EXOC3L2: variants seen among roughly 807,000 people sequenced by gnomAD.
The protein encoded by EXOC3L2 is exocyst complex component 3-like protein 2.
EXOC3L2 carries 17 observed loss-of-function variants against 44.4 expected under a neutral mutation model. That is an observed-to-expected ratio of 0.38 (90% CI 0.26 to 0.57). The LOEUF is 0.57. Among genes scored for constraint, EXOC3L2 ranks in the 20% least tolerant of loss-of-function variants. EXOC3L2 has a pLI of 0.65. For synonymous variants in EXOC3L2, 256 were observed against 253.7 expected, an observed-to-expected ratio of 1.01 and a Z score of -0.09; for missense variants, 541 against 588.4, an observed-to-expected ratio of 0.92 and a Z score of 0.83.
intron 11 of EXOC3L2, among the ~76,000 whole-genome samples, chr19:45,214,179 G>A (rs922896007): frequency 1.3e-5 from 2 of 152,134 alleles, no homozygotes; most frequent in Non-Finnish European, 2.9e-5. Flanking sequence ...CCAGGAATAT[G>A]TGCCTTCCCA....
Position 45,238,691 on chromosome 19 carries a change from C to T in EXOC3L2, c.355G>A (p.Glu119Lys), listed in dbSNP as rs1183426774. The change falls in exon 2 of 12, where the codon GAG (glutamate) becomes AAG (lysine). Residue 119 changes from glutamate to lysine, a missense_variant. Coordinates refer to ENST00000413988, the MANE Select transcript of EXOC3L2 (RefSeq NM_001382422.1). This position sits in a 1 kb window ranked among gnomAD's most constrained non-coding sequence, Gnocchi z 5.5. The stretch of plus-strand genomic sequence containing the variant: ...CGGGCGGCCTCCCCCGCTGCCTCCT[C>T]GTCGCCGTGGGCTCGGGTCCCATGC... ...RLHGTRAHGDEEAAGEAARRL... is the reference protein window; with the variant it reads ...RLHGTRAHGDKEAAGEAARRL... 4 of 399,010 alleles carry T rather than the reference C, an allele frequency of 1.0e-5. No homozygotes were observed. Among genetic ancestry groups the T allele is most frequent in the Admixed American group, 4.4e-5 (1 of 22,718 alleles). 24.7% of individuals were successfully genotyped at this position (399,010 alleles called of 1,614,324 possible).
rs1230469601 is a variant in EXOC3L2 at position 45,231,806 on chromosome 19, C to T, written c.1226G>A (p.Gly409Asp). 1 of 1,611,040 alleles carries T rather than the reference C, an allele frequency of 6.2e-7. No homozygotes were observed. Among genetic ancestry groups the T allele is most frequent in the East Asian group, 2.2e-5 (1 of 44,816 alleles). ...TTCATCCTCCAAACCCCGCAGGGTG[C>T]CAGGGGAGAGAAGGGGCCCCAGCTC... The part of the protein sequence containing the change: ...NGELGPLLSP[G>D]TLRGLEDECV... The change falls in exon 4 of 12, where the codon GGC becomes GAC. Residue 409 changes from glycine to aspartate, a missense_variant. Transcript: ENST00000413988.
Position 45,228,240 on chromosome 19 carries a change from A to G in EXOC3L2, c.1296T>C (p.Arg432=), listed in dbSNP as rs1157206686. ...AGTGCTCTTCGTCCTCCTGCAGCAC[A>G]CGGAGAAGGGCAGCCCGGGTCTGAG... ...VKAQTRAALL[R]VLQEDEEHWG... Residue 432 remains arginine, a synonymous_variant, in exon 5 of 12, where the codon CGT becomes CGC. Coordinates refer to ENST00000413988, the MANE Select transcript of EXOC3L2 (RefSeq NM_001382422.1). 8 of 1,613,938 alleles carry G rather than the reference A, an allele frequency of 5.0e-6. No individual in the cohort carries two copies. Among genetic ancestry groups the G allele is most frequent in the Admixed American group, 1.7e-5 (1 of 59,972 alleles).
intron 1 of EXOC3L2, among the ~76,000 whole-genome samples, chr19:45,240,828 C>T (rs1970125530): frequency 1.3e-5 from 2 of 152,050 alleles, no homozygotes; most frequent in South Asian, 4.1e-4. Context: ...TGTTTGAACC[C>T]AGGAGGCAGA....
At chr19:45,225,154 G>A (rs541384343) in intron 7 of EXOC3L2, among the ~76,000 whole-genome samples, 26 of 150,030 alleles carry the variant, frequency 1.7e-4, no homozygotes, top group Middle Eastern at 3.4e-3. Context: ...GGGATGGCTA[G>A]GAGGTCTAGG....
intron 8 of EXOC3L2, among the ~76,000 whole-genome samples, chr19:45,220,294 T>C (rs766343203): frequency 1.3e-5 from 2 of 151,588 alleles, no homozygotes; most frequent in African/African-American, 2.4e-5. Flanking sequence ...TAAGACTCCC[T>C]CTCTATAATT....
chr19:45,230,578 G>T (rs1225512806), intron 4 of EXOC3L2, among the ~76,000 whole-genome samples: 1 of 151,702 alleles, frequency 6.6e-6, no homozygotes, highest in African/African-American at 2.4e-5. Flanking sequence ...TGAACTCCTG[G>T]CCTCAAGAAA....
intron 2 of EXOC3L2, among the ~76,000 whole-genome samples, chr19:45,237,070 G>T (rs959723950): frequency 2.6e-5 from 4 of 151,762 alleles, no homozygotes; most frequent in African/African-American, 9.7e-5. Flanking sequence ...GCTGAGAGGG[G>T]CCTGGGGTTG....
rs1244965758 is a variant in EXOC3L2, at chr19:45,212,985, C to T, written c.*84G>A. On this transcript the variant is annotated 3_prime_UTR_variant, in exon 12 of 12. Coordinates refer to ENST00000413988, the MANE Select transcript of EXOC3L2 (RefSeq NM_001382422.1). The stretch of plus-strand genomic sequence containing the variant: ...TATCCCAGGGGTGTGTGGTCCCAGG[C>T]AGGGAGTCAGGAGGGGCGCCGTACG... 1 of 1,369,092 alleles carries T rather than the reference C, an allele frequency of 7.3e-7. No individual in the cohort carries two copies. The highest frequency in any genetic ancestry group is 1.5e-5 in the African/African-American group (1 of 67,264). 84.8% of individuals were successfully genotyped at this position (1,369,092 alleles called of 1,614,324 possible).
intron 2 of EXOC3L2, among the ~76,000 whole-genome samples, chr19:45,237,744 A>G (rs1456461867): frequency 6.6e-6 from 1 of 152,200 alleles, no homozygotes; most frequent in Non-Finnish European, 1.5e-5. Flanking sequence ...TCACCCCAGT[A>G]CATCAGAATG....
At chr19:45,243,661 G>A (rs1251080467) in intron 1 of EXOC3L2, among the ~76,000 whole-genome samples, 1 of 151,940 alleles carries the variant, frequency 6.6e-6, no homozygotes. Context: ...ATGGAGTCTC[G>A]CTCTGTCACC....
At chr19:45,232,403 G>A (rs968037429) in intron 3 of EXOC3L2, among the ~76,000 whole-genome samples, 10 of 152,220 alleles carry the variant, frequency 6.6e-5, no homozygotes, top group East Asian at 3.9e-4. Flanking sequence ...GAAGCTTTCC[G>A]GACTCCCTAT....
chr19:45,235,550 G>A (rs909819398), intron 2 of EXOC3L2, among the ~76,000 whole-genome samples: 3 of 152,030 alleles, frequency 2.0e-5, no homozygotes, highest in African/African-American at 7.2e-5. Flanking sequence ...GATGGCTGTG[G>A]GCTGATCTGG....
At chr19:45,218,158 T>TGGCCC in intron 9 of EXOC3L2, 39 bp downstream of exon 9, 3 of 1,034,902 alleles carry the variant, frequency 2.9e-6, no homozygotes, top group Non-Finnish European at 4.0e-6. Context: ...TCCCCTCTTT[T>TGGCCC]CCCCCACCCC....
In EXOC3L2 at chr19:45,217,702, A is replaced by G. The variant is rs1349003161; in HGVS notation, c.1843-19T>C. The G allele has an allele frequency of 1.4e-6, 2 of 1,399,164 alleles. No homozygotes were observed. The highest frequency in any genetic ancestry group is 2.9e-5 in the East Asian group (1 of 34,740). The allele number at this position is 1,399,164 out of a possible 1,614,324, so 86.7% of individuals were successfully genotyped here. A position where few individuals can be genotyped will look rare whatever the true frequency, so the allele number is the denominator to read the frequency against. On this transcript the variant is annotated intron_variant, in intron 9 of 11. Transcript: ENST00000413988. ...CCAGCGCCTGGAGGCGGAGGAGGGA[A>G]ACCCGAGGGGTGTGAGCCATGCCCC...
Position 45,213,103 on chromosome 19 carries a change from G to A in EXOC3L2, c.2375C>T (p.Pro792Leu), listed in dbSNP as rs1800437940. The A allele has an allele frequency of 6.5e-7, 1 of 1,535,736 alleles. No homozygotes were observed. The highest frequency in any genetic ancestry group is 8.7e-7 in the Non-Finnish European group (1 of 1,145,856). The change falls in exon 12 of 12, where the codon CCT (proline) becomes CTT (leucine). Residue 792 changes from proline (P) to leucine (L), a missense_variant. Coordinates refer to ENST00000413988, the MANE Select transcript of EXOC3L2 (RefSeq NM_001382422.1). Reference protein sequence around the residue: ...PSLACLPRPRPPSLARPRAQR With the variant: ...PSLACLPRPRLPSLARPRAQR ...GGCCCGAGGTCGCGCTAGAGACGGA[G>A]GCCGGGGCCGAGGCAGACAGGCCAA...
Position 45,217,531 on chromosome 19 carries a change from C to A in EXOC3L2, c.1995G>T (p.Arg665=). 1 of 1,576,980 alleles carries A rather than the reference C, an allele frequency of 6.3e-7. No homozygotes were observed. Residue 665 remains arginine (R), a synonymous_variant, in exon 10 of 12, where the codon CGG becomes CGT. Coordinates refer to ENST00000413988, the MANE Select transcript of EXOC3L2 (RefSeq NM_001382422.1). ...DAAQLQRLFR[R]LESQASWLDA... ...CCAACCGCGTCCCGACACTGACCAG[C>A]CGCCGGAACAGCCTCTGCAGTTGCG...
chr19:45,241,355 G>A (rs1173665646), intron 1 of EXOC3L2, among the ~76,000 whole-genome samples: 1 of 152,036 alleles, frequency 6.6e-6, no homozygotes, highest in Non-Finnish European at 1.5e-5. Flanking sequence ...GCAGGCGCCT[G>A]TAGCCCCAGC....
intron 1 of EXOC3L2, among the ~76,000 whole-genome samples, chr19:45,243,281 G>A (rs779589731): frequency 6.6e-6 from 1 of 152,172 alleles, no homozygotes; most frequent in African/African-American, 2.4e-5. Flanking sequence ...ACCACGACAG[G>A]GTTCTGAGCA....
Sources: allele counts gnomAD v4.1 joint callset (sites outside exome capture counted in the v4.1 genomes callset), GRCh38; gene constraint gnomAD v4.1.1; non-coding constraint Gnocchi (gnomAD v3.1); transcripts MANE v1.5; gene names NCBI Gene and HGNC (gene_info 2026-07-23, HGNC 2026-07-21).